NALCN: variants seen among roughly 807,000 people sequenced by gnomAD.
NALCN encodes sodium leak channel NALCN.
Under a neutral mutation model 225.3 loss-of-function variants are expected in NALCN, and 111 were observed. The ratio of observed to expected loss-of-function variants is 0.49; its 90% CI spans 0.42 to 0.58. NALCN has a LOEUF of 0.58. Ranked by LOEUF, NALCN falls within the 20% of genes least tolerant of loss-of-function variation. The pLI is 0.00. For missense variants in NALCN, 1,378 were observed against 2,202.4 expected (o/e 0.63, Z 7.49); for synonymous variants, 764 against 769.0 (o/e 0.99, Z 0.11).
At chr13:101,113,417 G>A (rs2139655802) in intron 18 of NALCN, among the ~76,000 whole-genome samples, 1 of 152,276 alleles carries the variant, frequency 6.6e-6, no homozygotes, top group African/African-American at 2.4e-5. Flanking sequence ...TACAGCCTAA[G>A]CCATTGTCAC....
At chr13:101,314,843 T>C (rs1594660362) in intron 7 of NALCN, among the ~76,000 whole-genome samples, 1 of 152,214 alleles carries the variant, frequency 6.6e-6, no homozygotes, top group Admixed American at 6.5e-5. Flanking sequence ...TAACGTGTCA[T>C]TTGGATGCAT....
chr13:101,335,691 G>A (rs4772366), intron 7 of NALCN, among the ~76,000 whole-genome samples: 69,440 of 149,536 alleles, frequency 0.46, 16,389 homozygotes, highest in Admixed American at 0.55. Context: ...AAATGCATCA[G>A]AAAAACCCCT....
At chr13:101,115,945 T>C (rs1347552653) in intron 18 of NALCN, among the ~76,000 whole-genome samples, 1 of 152,140 alleles carries the variant, frequency 6.6e-6, no homozygotes, top group African/African-American at 2.4e-5. Flanking sequence ...GCACAAGACT[T>C]CAAGTGTCTG....
At chr13:101,118,857 C>T (rs571689227) in intron 18 of NALCN, among the ~76,000 whole-genome samples, 12 of 152,264 alleles carry the variant, frequency 7.9e-5, no homozygotes, top group African/African-American at 2.4e-4. Context: ...CTTCCCTTTC[C>T]ACTGAGGAGC....
chr13:101,363,283 C>A (rs1157209959), intron 6 of NALCN, among the ~76,000 whole-genome samples: 1 of 152,034 alleles, frequency 6.6e-6, no homozygotes, highest in East Asian at 1.9e-4. Flanking sequence ...ATAGCCAAAG[C>A]AATCTCGTGC....
At chr13:101,231,505 T>A (rs867151281) in intron 12 of NALCN, among the ~76,000 whole-genome samples, 1 of 152,206 alleles carries the variant, frequency 6.6e-6, no homozygotes, top group South Asian at 2.1e-4. Context: ...AAGTCTAAGA[T>A]GTCACCAATT....
chr13:101,260,271 G>A (rs1011525586), intron 10 of NALCN, among the ~76,000 whole-genome samples: 34 of 152,026 alleles, frequency 2.2e-4, no homozygotes, highest in African/African-American at 5.3e-4. Flanking sequence ...TTATCTATTC[G>A]TCTGTTGATG....
In NALCN at chr13:101,306,655, A is replaced by G. The variant is rs531804439; in HGVS notation, c.800-14289T>C. On this transcript the variant is annotated intron_variant, in intron 7 of 43. Transcript: ENST00000251127. ...ATCCCAAACGTTAGAATATCATCAC[A>G]TTCATTAAAGTGGCTGAGACTTGTC... Among the ~76,000 whole-genome samples the G allele has an allele frequency of 1.2e-4, 18 of 152,342 alleles. No individual in the cohort carries two copies. In the East Asian group the frequency reaches 3.3e-3, roughly 28 times the overall value.
intron 15 of NALCN, among the ~76,000 whole-genome samples, chr13:101,156,301 A>G (rs2037899027): frequency 5.9e-5 from 9 of 152,086 alleles, no homozygotes; most frequent in Admixed American, 5.9e-4. Flanking sequence ...CCATTTCTTC[A>G]GAGTGCCGAC....
intron 10 of NALCN, among the ~76,000 whole-genome samples, chr13:101,271,982 CTGTGTGCA>C (rs1344416363): frequency 3.4e-4 from 49 of 144,498 alleles, no homozygotes; most frequent in African/African-American, 1.2e-3. Flanking sequence ...GTGTGTGTGC[CTGTGTGCA>C]TGTGTGTGTC....
chr13:101,281,853 A>G (rs1323327282), intron 10 of NALCN, among the ~76,000 whole-genome samples: 1 of 152,204 alleles, frequency 6.6e-6, no homozygotes, highest in South Asian at 2.1e-4. Flanking sequence ...GCAAATTCTG[A>G]GTAGATTTTT....
At chr13:101,108,283 T>G (rs2035250696) in intron 20 of NALCN, among the ~76,000 whole-genome samples, 1 of 152,054 alleles carries the variant, frequency 6.6e-6, no homozygotes, top group African/African-American at 2.4e-5. Context: ...AAAAAGTAAT[T>G]CATTCAGCAC....
chr13:101,267,247 A>T (rs2042627920), intron 10 of NALCN, among the ~76,000 whole-genome samples: 1 of 152,208 alleles, frequency 6.6e-6, no homozygotes, highest in Non-Finnish European at 1.5e-5. Flanking sequence ...ACACATGTGG[A>T]TGTTATTTTT....
chr13:101,267,423 T>C (rs1316770942), intron 10 of NALCN, among the ~76,000 whole-genome samples: 1 of 152,182 alleles, frequency 6.6e-6, no homozygotes, highest in Non-Finnish European at 1.5e-5. Flanking sequence ...AAAAACCCAG[T>C]GGCCTCCAAT....
chr13:101,130,465 C>T (rs2036463873), intron 17 of NALCN, among the ~76,000 whole-genome samples: 1 of 152,098 alleles, frequency 6.6e-6, no homozygotes, highest in African/African-American at 2.4e-5. Context: ...GTTTAAGAGT[C>T]CCTTTTGGAG....
At chr13:101,319,576 G>A (rs943463302) in intron 7 of NALCN, among the ~76,000 whole-genome samples, 1 of 152,110 alleles carries the variant, frequency 6.6e-6, no homozygotes, top group African/African-American at 2.4e-5. Flanking sequence ...CCATGATTTT[G>A]AAGTGATTTT....
intron 32 of NALCN, 56 bp downstream of exon 32, chr13:101,083,036 G>T (rs59325179): frequency 1.3e-6 from 2 of 1,568,742 alleles, no homozygotes; most frequent in Non-Finnish European, 8.8e-7. Context: ...TGATACTCTC[G>T]GATGTAGCAG....
chr13:101,385,740 AAGTT>A (rs1159181395), intron 3 of NALCN, among the ~76,000 whole-genome samples: 1 of 152,138 alleles, frequency 6.6e-6, no homozygotes, highest in Non-Finnish European at 1.5e-5. Context: ...TTTCCCCTGA[AAGTT>A]AGCCTTTCAA....
intron 7 of NALCN, among the ~76,000 whole-genome samples, chr13:101,303,852 T>C (rs111952183): frequency 1.6e-4 from 25 of 152,192 alleles, no homozygotes; most frequent in Non-Finnish European, 3.1e-4. Flanking sequence ...CAGACATTTG[T>C]GCTGTGGCTG....
Sources: allele counts gnomAD v4.1 joint callset (sites outside exome capture counted in the v4.1 genomes callset), GRCh38; gene constraint gnomAD v4.1.1; transcripts MANE v1.5; gene names NCBI Gene and HGNC (gene_info 2026-07-23, HGNC 2026-07-21).